The following FARP2 variants were observed in gnomAD, a reference collection of about 807,000 sequenced individuals.
FARP2 encodes FERM, ARH/RhoGEF and pleckstrin domain protein 2, also known as FERM, ARHGEF and pleckstrin domain-containing protein 2.
In FARP2, 111 loss-of-function variants were observed where a neutral mutation model predicts 130.5. The observed-to-expected ratio is 0.85, with a 90% CI of 0.73 to 1.00. The LOEUF is 1.00. Ranked by LOEUF, FARP2 falls within the 50% of genes least tolerant of loss-of-function variation. The pLI, the probability that FARP2 is intolerant of heterozygous loss-of-function variation, is 0.00. For missense variants in FARP2, 1,385 were observed against 1,346.3 expected (o/e 1.03, Z -0.45); for synonymous variants, 504 against 516.9 (o/e 0.98, Z 0.34).
chr2:241,443,205 G>A (rs2150419727), intron 13 of FARP2: 1 of 172,920 alleles, frequency 5.8e-6, no homozygotes, highest in Non-Finnish European at 1.2e-5. Context: ...CACTGGGGTT[G>A]GGGGTGAGGG....
At chr2:241,453,937 C>T (rs1489718568) in intron 13 of FARP2, among the ~76,000 whole-genome samples, 1 of 120,330 alleles carries the variant, frequency 8.3e-6, no homozygotes, top group Non-Finnish European at 1.8e-5. Context: ...GCACATGCCA[C>T]CACACCTGGC....
At chr2:241,474,685 G>A (rs1469003352) in intron 18 of FARP2, among the ~76,000 whole-genome samples, 3 of 151,714 alleles carry the variant, frequency 2.0e-5, no homozygotes, top group African/African-American at 4.8e-5. Flanking sequence ...CCCGCTACTC[G>A]GGAGGCTGAG....
At chr2:241,464,138 T>A (rs1324978494) in intron 17 of FARP2, among the ~76,000 whole-genome samples, 158 bp downstream of exon 17, 1 of 150,092 alleles carries the variant, frequency 6.7e-6, no homozygotes, top group Non-Finnish European at 1.5e-5. Context: ...CAGGGCCCCC[T>A]CAGAGCAGGA....
chr2:241,378,269 TA>T lies in FARP2; in HGVS notation c.183+4980del, dbSNP rs1406175774. Reference sequence around the variant, plus strand: ...GGCGCCCACCACCATGCCCGGCTAATATTTTTTTTTTTTGTATTTTTAGTAG... The same window carrying T: ...GGCGCCCACCACCATGCCCGGCTAATTTTTTTTTTTTTGTATTTTTAGTAG... On this transcript the variant is annotated intron_variant, in intron 2 of 26. Transcript: ENST00000264042. Among the ~76,000 whole-genome samples the T allele has an allele frequency of 1.9e-4, 27 of 141,284 alleles. No individual in the cohort carries two copies. In the East Asian group the frequency reaches 6.2e-3, roughly 32 times the overall value. 92.7% of individuals were successfully genotyped at this position (141,284 alleles called of 152,430 possible).
chr2:241,484,131 C>G, intron 20 of FARP2, 111 bp from the exon 21 acceptor site: 2 of 1,497,322 alleles, frequency 1.3e-6, no homozygotes, highest in Non-Finnish European at 1.8e-6. Flanking sequence ...AAATCTCCAG[C>G]AAGCTGCACA....
At chr2:241,390,909 A>G (rs962373031) in intron 2 of FARP2, among the ~76,000 whole-genome samples, 1 of 152,124 alleles carries the variant, frequency 6.6e-6, no homozygotes, top group African/African-American at 2.4e-5. Context: ...TTGATCAATA[A>G]TGGTCTTATT....
intron 13 of FARP2, chr2:241,445,358 C>A (rs1375760696): frequency 6.6e-6 from 1 of 151,996 alleles, no homozygotes; most frequent in Non-Finnish European, 1.5e-5. Context: ...GGGATTTAGA[C>A]ACGGAAGGGA....
At chr2:241,463,764 C>T (rs113217357) in intron 16 of FARP2, 135 bp from the exon 17 acceptor site, 15 of 797,170 alleles carry the variant, frequency 1.9e-5, no homozygotes, top group African/African-American at 6.8e-5. Context: ...AGGCCCTGCC[C>T]TGCGGCCTCT....
chr2:241,386,027 C>A (rs1425503276), intron 2 of FARP2, among the ~76,000 whole-genome samples: 1 of 152,178 alleles, frequency 6.6e-6, no homozygotes, highest in African/African-American at 2.4e-5. Context: ...ACTGTTAGAT[C>A]TTAATGGATA....
At chr2:241,484,007 TTC>T in intron 20 of FARP2, 1 of 1,338,776 alleles carries the variant, frequency 7.5e-7, no homozygotes, top group Non-Finnish European at 9.6e-7. Flanking sequence ...TGCCTCCAGC[TTC>T]TCAGCCAAGC....
In FARP2 at chr2:241,459,815, T is replaced by G. The variant is rs1559792523; in HGVS notation, c.1588-2708T>G. 3.6e-5 allele frequency among the ~76,000 whole-genome samples: 1 copy of G among 28,164 alleles called. No homozygotes were observed. Among genetic ancestry groups the G allele is most frequent in the Non-Finnish European group, 6.5e-5 (1 of 15,378 alleles). The allele number at this position is 28,164 out of a possible 152,430, so 18.5% of individuals were successfully genotyped here. On this transcript the variant is annotated intron_variant, in intron 14 of 26. Coordinates refer to ENST00000264042, the MANE Select transcript of FARP2 (RefSeq NM_014808.4). This position sits in a 1 kb window ranked among gnomAD's most constrained non-coding sequence, Gnocchi z 5.3. ...TTCTCACGGTATTCCTTGGGCTGAT[T>G]GGGCGGGGCGGGGCGGGGGCAGGGG...
chr2:241,466,199 G>A (rs1407561608), intron 17 of FARP2: 1 of 985,396 alleles, frequency 1.0e-6, no homozygotes, highest in South Asian at 4.7e-5. Context: ...GGGGCATAAG[G>A]TCAGTTTTCC....
chr2:241,377,377 C>G (rs538549018), intron 2 of FARP2, among the ~76,000 whole-genome samples: 48 of 150,872 alleles, frequency 3.2e-4, no homozygotes, highest in Middle Eastern at 3.4e-3. Context: ...CTCTGTCGCC[C>G]AGGCCGGACT....
chr2:241,439,244 C>G (rs1278123939), intron 12 of FARP2, among the ~76,000 whole-genome samples: 2 of 151,932 alleles, frequency 1.3e-5, no homozygotes, highest in African/African-American at 4.8e-5. Context: ...TCTCAAACTC[C>G]TGGGCTCAAG....
At chr2:241,375,255 A>G (rs947659530) in intron 2 of FARP2, among the ~76,000 whole-genome samples, 2 of 152,038 alleles carry the variant, frequency 1.3e-5, no homozygotes, top group African/African-American at 4.8e-5. Context: ...CCAGCCCCAA[A>G]TCTTTTCAAT....
intron 7 of FARP2, among the ~76,000 whole-genome samples, chr2:241,415,255 G>A (rs2062635552): frequency 6.6e-6 from 1 of 152,178 alleles, no homozygotes. Context: ...CCTCTTTCAA[G>A]TGTTGCCATT....
rs189821814 is a variant in FARP2, at chr2:241,423,261, C to T, written c.771+5152C>T. ...GGAATCCCTTCAGACTAACAGGGGA[C>T]CTCTCAGCAGAAACCCTACAAGCCA... On this transcript the variant is annotated intron_variant, in intron 8 of 26. Transcript: ENST00000264042. Among the ~76,000 whole-genome samples the T allele has an allele frequency of 5.9e-5, 9 of 152,294 alleles. No individual in the cohort carries two copies. In the East Asian group the frequency reaches 1.7e-3, roughly 29 times the overall value.
intron 2 of FARP2, among the ~76,000 whole-genome samples, chr2:241,380,640 T>G (rs2061639154): frequency 1.3e-5 from 2 of 151,726 alleles, no homozygotes; most frequent in African/African-American, 2.4e-5. Flanking sequence ...CACTAAAATT[T>G]TTTGAATTTT....
At chr2:241,463,028 A>G (rs1027764553) in intron 15 of FARP2, among the ~76,000 whole-genome samples, 4 of 152,178 alleles carry the variant, frequency 2.6e-5, no homozygotes, top group Non-Finnish European at 4.4e-5. Flanking sequence ...ACTTGCTTGT[A>G]TATATTTTGT....
Sources: gnomAD v4.1 joint callset for allele counts (sites outside exome capture counted in the v4.1 genomes callset) on GRCh38, gnomAD v4.1.1 for gene constraint, Gnocchi (gnomAD v3.1) non-coding constraint, MANE v1.5 for transcripts, NCBI Gene and HGNC (gene_info 2026-07-23, HGNC 2026-07-21) for gene names.